Variants in GABRG3 observed in about 807,000 individuals in gnomAD.
GABRG3 encodes the protein gamma-aminobutyric acid receptor subunit gamma-3.
Under a neutral mutation model 48.8 loss-of-function variants are expected in GABRG3, and 25 were observed. The ratio of observed to expected loss-of-function variants is 0.51; its 90% CI spans 0.37 to 0.72. The LOEUF is 0.72. Ranked by LOEUF, GABRG3 falls within the 30% of genes least tolerant of loss-of-function variation. The pLI is 0.00. For synonymous variants in GABRG3, 227 were observed against 217.6 expected (o/e 1.04, Z -0.38); for missense variants, 394 against 577.9 (o/e 0.68, Z 3.26).
intron 5 of GABRG3, among the ~76,000 whole-genome samples, chr15:27,431,466 T>C (rs923724750): frequency 2.0e-5 from 3 of 152,240 alleles, no homozygotes; most frequent in Admixed American, 6.5e-5. Context: ...ATGCTCTCTA[T>C]AAATAGAGAT....
intron 2 of GABRG3, among the ~76,000 whole-genome samples, chr15:27,008,760 G>A (rs1207289714): frequency 1.3e-5 from 2 of 152,006 alleles, no homozygotes; most frequent in African/African-American, 2.4e-5. Flanking sequence ...AATGGCACCC[G>A]CAGAGCAGCC....
At chr15:27,097,001 C>T (rs747329410) in intron 3 of GABRG3, among the ~76,000 whole-genome samples, 24 of 136,438 alleles carry the variant, frequency 1.8e-4, no homozygotes, top group South Asian at 4.6e-4. Flanking sequence ...CCACCATACC[C>T]GGCTATTTTT....
chr15:27,291,564 A>G (rs1050660213), intron 3 of GABRG3, among the ~76,000 whole-genome samples: 1 of 152,214 alleles, frequency 6.6e-6, no homozygotes, highest in Non-Finnish European at 1.5e-5. Flanking sequence ...TTTCTATTTA[A>G]TTTCAAGATG....
chr15:27,461,612 A>G (rs977939302), intron 5 of GABRG3, among the ~76,000 whole-genome samples: 2 of 152,070 alleles, frequency 1.3e-5, no homozygotes, highest in Non-Finnish European at 2.9e-5. Context: ...ATTTGGCCCC[A>G]CTCATATCCT....
intron 3 of GABRG3, among the ~76,000 whole-genome samples, chr15:27,086,389 C>T (rs1480423594): frequency 6.6e-6 from 1 of 152,112 alleles, no homozygotes; most frequent in Non-Finnish European, 1.5e-5. Context: ...CTGTGTCACT[C>T]GGGCACGTCT....
In GABRG3 at chr15:27,247,624, T is replaced by C. The variant is rs1890308935; in HGVS notation, c.271-79185T>C. Among the ~76,000 whole-genome samples, 4 of 152,184 alleles carry C rather than the reference T, an allele frequency of 2.6e-5. No homozygotes were observed. The South Asian group carries it at 8.3e-4, about 32-fold the overall frequency. ...CTGTAACATGGTGTATTAGTCCGTT[T>C]TCACGCTGCTGGTAAAGACGTACTG... On this transcript the variant is annotated intron_variant, in intron 3 of 9. Coordinates refer to ENST00000615808, the MANE Select transcript of GABRG3 (RefSeq NM_033223.5).
chr15:27,002,758 A>AC, intron 2 of GABRG3, among the ~76,000 whole-genome samples: 1 of 144,400 alleles, frequency 6.9e-6, no homozygotes, highest in East Asian at 2.0e-4. Context: ...AAAAAAAAAA[A>AC]AAAAAGGAAG....
At chr15:27,220,929 CA>C (rs1889432536) in intron 3 of GABRG3, among the ~76,000 whole-genome samples, 1 of 152,082 alleles carries the variant, frequency 6.6e-6, no homozygotes, top group African/African-American at 2.4e-5. Context: ...GTTCGATCTT[CA>C]GAATGGACAA....
intron 3 of GABRG3, among the ~76,000 whole-genome samples, chr15:27,324,400 C>T (rs2140516911): frequency 6.6e-6 from 1 of 152,286 alleles, no homozygotes. Flanking sequence ...GGCTGGGTTC[C>T]ATGAGGTGAG....
At chr15:27,006,439 G>A (rs902724612) in intron 2 of GABRG3, among the ~76,000 whole-genome samples, 1 of 152,094 alleles carries the variant, frequency 6.6e-6, no homozygotes, top group Admixed American at 6.6e-5. Context: ...GGGCTCAAGT[G>A]ATCTGCCCAC....
At chr15:27,042,508 C>A (rs1196673567) in intron 3 of GABRG3, among the ~76,000 whole-genome samples, 1 of 152,190 alleles carries the variant, frequency 6.6e-6, no homozygotes, top group Non-Finnish European at 1.5e-5. Context: ...CCCGTTGCCT[C>A]CCTGTTGCAG....
chr15:27,363,066 A>T (rs1279146499), intron 5 of GABRG3: 1 of 152,220 alleles, frequency 6.6e-6, no homozygotes, highest in East Asian at 1.9e-4. Flanking sequence ...TACAATTTGT[A>T]TCCTCCTGAG....
At chr15:27,174,284 T>TGATTTGTTCAAAA (rs1314086407) in intron 3 of GABRG3, among the ~76,000 whole-genome samples, 3 of 152,222 alleles carry the variant, frequency 2.0e-5, no homozygotes, top group Non-Finnish European at 4.4e-5. Flanking sequence ...TCTCAAGCAT[T>TGATTTGTTCAAAA]GATTTGTTCA....
chr15:27,117,919 G>T (rs899479635), intron 3 of GABRG3, among the ~76,000 whole-genome samples: 1 of 152,100 alleles, frequency 6.6e-6, no homozygotes, highest in Non-Finnish European at 1.5e-5. Context: ...AAACTTAAGT[G>T]TAAAGGGGGT....
At chr15:27,317,295 A>G (rs117354663) in intron 3 of GABRG3, among the ~76,000 whole-genome samples, 14 of 152,146 alleles carry the variant, frequency 9.2e-5, no homozygotes, top group East Asian at 7.7e-4. Context: ...CTACCCCCCA[A>G]TTCCATGGCA....
At chr15:27,224,904 C>T (rs1361084075) in intron 3 of GABRG3, among the ~76,000 whole-genome samples, 1 of 151,528 alleles carries the variant, frequency 6.6e-6, no homozygotes, top group African/African-American at 2.4e-5. Flanking sequence ...TTTAATGGGA[C>T]CCTAGGTTTC....
chr15:27,396,328 T>TAAA (rs1291429413), intron 5 of GABRG3, among the ~76,000 whole-genome samples: 1 of 151,710 alleles, frequency 6.6e-6, no homozygotes, highest in East Asian at 1.9e-4. Context: ...AGCAACCCAA[T>TAAA]AAAAAAATGG....
intron 3 of GABRG3, among the ~76,000 whole-genome samples, chr15:27,324,545 A>T (rs535443656): frequency 6.6e-6 from 1 of 152,292 alleles, no homozygotes; most frequent in South Asian, 2.1e-4. Context: ...TAAAGTGGGC[A>T]TTGGATAATA....
At chr15:27,480,928 G>A in intron 6 of GABRG3, 141 bp downstream of exon 6, 1 of 1,424,500 alleles carries the variant, frequency 7.0e-7, no homozygotes, top group Non-Finnish European at 9.2e-7. Context: ...GATTCAAAGT[G>A]AAACTATGTT....
Sources: gnomAD v4.1 joint callset for allele counts (sites outside exome capture counted in the v4.1 genomes callset) on GRCh38, gnomAD v4.1.1 for gene constraint, MANE v1.5 for transcripts, NCBI Gene and HGNC (gene_info 2026-07-23, HGNC 2026-07-21) for gene names.